The following KCNN2 variants were observed in gnomAD, a reference collection of about 807,000 sequenced individuals.
KCNN2 encodes the protein small conductance calcium-activated potassium channel protein 2.
A neutral mutation model predicts 55.5 loss-of-function variants in KCNN2; 24 were observed. That is an observed-to-expected ratio of 0.43 (90% CI 0.31 to 0.61). The LOEUF is 0.61. Ranked by LOEUF, KCNN2 falls within the 20% of genes least tolerant of loss-of-function variation. KCNN2 has a pLI of 0.08. For missense variants in KCNN2, 754 were observed against 853.6 expected (o/e 0.88, Z 1.45); for synonymous variants, 431 against 336.1 (o/e 1.28, Z -3.09).
intron 1 of KCNN2, among the ~76,000 whole-genome samples, chr5:114,092,045 C>T (rs1751155307): frequency 6.6e-6 from 1 of 152,148 alleles, no homozygotes; most frequent in Admixed American, 6.6e-5. Flanking sequence ...TAATTCATTC[C>T]AGCGTTAACC....
intron 2 of KCNN2, among the ~76,000 whole-genome samples, chr5:114,324,807 A>T (rs1218099155): frequency 6.6e-6 from 1 of 152,200 alleles, no homozygotes; most frequent in Non-Finnish European, 1.5e-5. Context: ...CATGAGTGTT[A>T]CAGAAAAAGC....
intron 3 of KCNN2, among the ~76,000 whole-genome samples, chr5:114,452,840 C>G (rs948357071): frequency 1.3e-5 from 2 of 152,212 alleles, no homozygotes; most frequent in Admixed American, 1.3e-4. Context: ...GCAGTAAGCT[C>G]TTTTCCTTTT....
intron 2 of KCNN2, among the ~76,000 whole-genome samples, chr5:114,396,212 T>C (rs548898663): frequency 2.0e-5 from 3 of 152,206 alleles, no homozygotes; most frequent in Non-Finnish European, 4.4e-5. Flanking sequence ...ACAAGATTTC[T>C]ACTTTTGTTG....
chr5:114,365,930 G>A (rs1282533007), intron 2 of KCNN2, among the ~76,000 whole-genome samples: 6 of 152,116 alleles, frequency 3.9e-5, no homozygotes, highest in East Asian at 1.9e-4. Context: ...TCATGGGGGA[G>A]GACATTTGCT....
At chr5:114,351,577 G>C (rs1757204028) in intron 2 of KCNN2, among the ~76,000 whole-genome samples, 2 of 151,666 alleles carry the variant, frequency 1.3e-5, no homozygotes, top group Non-Finnish European at 3.0e-5. Flanking sequence ...ATTAGTAGTA[G>C]ATTTTTTTCA....
chr5:114,451,048 CATA>C (rs1490551780), intron 3 of KCNN2, among the ~76,000 whole-genome samples: 1 of 152,066 alleles, frequency 6.6e-6, no homozygotes, highest in Non-Finnish European at 1.5e-5. Flanking sequence ...AGGTTTTTAA[CATA>C]GTAGTGAAAG....
intron 2 of KCNN2, among the ~76,000 whole-genome samples, chr5:114,337,025 T>A (rs536726827): frequency 8.6e-5 from 13 of 151,852 alleles, no homozygotes; most frequent in African/African-American, 1.7e-4. Context: ...TTTTTGATAT[T>A]TTTTTAAAAA....
intron 1 of KCNN2, among the ~76,000 whole-genome samples, chr5:114,190,777 T>C (rs558124986): frequency 6.6e-6 from 1 of 152,292 alleles, no homozygotes; most frequent in South Asian, 2.1e-4. Context: ...TTAATAATAA[T>C]TGAAATAAGA....
intron 5 of KCNN2, among the ~76,000 whole-genome samples, chr5:114,475,026 G>C (rs953960722): frequency 2.0e-5 from 3 of 152,006 alleles, no homozygotes; most frequent in Admixed American, 1.3e-4. Context: ...TATTACTTTG[G>C]AATATTGATA....
intron 2 of KCNN2, among the ~76,000 whole-genome samples, chr5:114,335,087 C>G (rs949061548): frequency 6.6e-6 from 1 of 152,138 alleles, no homozygotes; most frequent in Non-Finnish European, 1.5e-5. Flanking sequence ...CCACGCCCGG[C>G]TAATTTTTTG....
At chr5:114,336,536 A>G (rs1472334361) in intron 2 of KCNN2, among the ~76,000 whole-genome samples, 1 of 152,204 alleles carries the variant, frequency 6.6e-6, no homozygotes, top group Non-Finnish European at 1.5e-5. Context: ...ACGAGACACT[A>G]TACCAACACT....
chr5:114,233,376 T>TATTA (rs1433360246), intron 2 of KCNN2, among the ~76,000 whole-genome samples: 2 of 152,208 alleles, frequency 1.3e-5, no homozygotes, highest in Non-Finnish European at 2.9e-5. Flanking sequence ...TCTTCAGGTA[T>TATTA]ATTAACATAC....
At chr5:114,207,242 T>C (rs187609964) in intron 1 of KCNN2, among the ~76,000 whole-genome samples, 4 of 152,294 alleles carry the variant, frequency 2.6e-5, no homozygotes, top group Non-Finnish European at 4.4e-5. Context: ...TTCATGTTGT[T>C]CATTTTATTC....
chr5:114,156,844 TGTTA>T (rs1561500048), intron 1 of KCNN2, among the ~76,000 whole-genome samples: 1 of 152,130 alleles, frequency 6.6e-6, no homozygotes, highest in African/African-American at 2.4e-5. Flanking sequence ...ATGCAGTCCA[TGTTA>T]GTTCCTTTTC....
intron 1 of KCNN2, among the ~76,000 whole-genome samples, chr5:114,144,170 A>G (rs934327792): frequency 6.6e-6 from 1 of 152,320 alleles, no homozygotes; most frequent in East Asian, 1.9e-4. Flanking sequence ...CTGATTCCCA[A>G]TTGTGAACAG....
intron 2 of KCNN2, among the ~76,000 whole-genome samples, chr5:114,299,361 C>T (rs1332159924): frequency 6.6e-6 from 1 of 152,130 alleles, no homozygotes. Context: ...ATTTCAGGCT[C>T]ATTTCTGAAT....
At chr5:114,145,170 T>C (rs1051815290) in intron 1 of KCNN2, among the ~76,000 whole-genome samples, 3 of 152,160 alleles carry the variant, frequency 2.0e-5, no homozygotes, top group African/African-American at 7.2e-5. Flanking sequence ...AAATCTACGA[T>C]ATAATAGGGG....
At chr5:114,123,261 A>C (rs1198290665) in intron 1 of KCNN2, among the ~76,000 whole-genome samples, 2 of 150,894 alleles carry the variant, frequency 1.3e-5, no homozygotes, top group Non-Finnish European at 3.0e-5. Flanking sequence ...CTGTGCTTGG[A>C]GGTTTGCATG....
chr5:114,382,690 G>A (rs1233233091), intron 2 of KCNN2, among the ~76,000 whole-genome samples: 2 of 152,168 alleles, frequency 1.3e-5, no homozygotes, highest in Non-Finnish European at 2.9e-5. Context: ...TCTTAGGAGA[G>A]ACTTTTATTC....
Sources: gnomAD v4.1 joint callset for allele counts (sites outside exome capture counted in the v4.1 genomes callset) on GRCh38, gnomAD v4.1.1 for gene constraint, MANE v1.5 for transcripts, NCBI Gene and HGNC (gene_info 2026-07-23, HGNC 2026-07-21) for gene names.